The following FKBP5 variants were observed in gnomAD, a reference collection of about 807,000 sequenced individuals.
FKBP5 encodes the protein peptidyl-prolyl cis-trans isomerase FKBP5.
In FKBP5, 23 loss-of-function variants were observed where a neutral mutation model predicts 50.5. The ratio of observed to expected loss-of-function variants is 0.46; its 90% confidence interval spans 0.33 to 0.65. The LOEUF (loss-of-function observed/expected upper bound fraction) is 0.65. Ranked by LOEUF, FKBP5 falls within the 30% of genes least tolerant of loss-of-function variation. The pLI is 0.02. For missense variants in FKBP5, 411 were observed against 553.1 expected (o/e 0.74, Z 2.58); for synonymous variants, 176 against 190.6 (o/e 0.92, Z 0.63).
intron 8 of FKBP5, chr6:35,583,841 C>A (rs1305690180): frequency 9.1e-6 from 9 of 985,228 alleles, no homozygotes; most frequent in Non-Finnish European, 1.1e-5. Context: ...ATCCTAGAGT[C>A]ATAAACGGCT....
chr6:35,602,526 T>C (rs909234328), intron 5 of FKBP5, among the ~76,000 whole-genome samples: 1 of 152,080 alleles, frequency 6.6e-6, no homozygotes, highest in African/African-American at 2.4e-5. Context: ...CTCTGTTGCC[T>C]AATTCATGCC....
Position 35,658,703 on chromosome 6 carries a change from G to T in FKBP5, c.-19-15860C>A, listed in dbSNP as rs1388934020. ...ATGTTAAACCAACCTTGGATACCTG[G>T]AATAAACCCTATTTGGTCACTGTAT... On this transcript the variant is annotated intron_variant, in intron 1 of 10. Transcript: ENST00000357266. Among the ~76,000 whole-genome samples the T allele has an allele frequency of 3.9e-4, 8 of 20,766 alleles. 1 individual carries two copies. The highest frequency in any genetic ancestry group is 3.4e-3 in the South Asian group (2 of 596). The allele number at this position is 20,766 out of a possible 152,430, so 13.6% of individuals were successfully genotyped here. A position where few individuals can be genotyped will look rare whatever the true frequency, so the allele number is the denominator to read the frequency against.
At chr6:35,597,500 C>T (rs1763013200) in intron 5 of FKBP5, 96 bp from the exon 6 acceptor site, 1 of 1,359,286 alleles carries the variant, frequency 7.4e-7, no homozygotes, top group African/African-American at 1.5e-5. Context: ...GTAGCAAATA[C>T]CATTTCCCCT....
chr6:35,584,255 A>G, intron 8 of FKBP5: 3 of 985,446 alleles, frequency 3.0e-6, no homozygotes, highest in Non-Finnish European at 3.6e-6. Context: ...TTTAGTATTC[A>G]GAGGTTGAAA....
chr6:35,575,864 C>T lies in FKBP5; in HGVS notation c.1345G>A (p.Glu449Lys), dbSNP rs1308077346. 6.2e-7 allele frequency: 1 copy of T among 1,614,036 alleles called. No individual in the cohort carries two copies. Among genetic ancestry groups the T allele is most frequent in the Non-Finnish European group, 8.5e-7 (1 of 1,179,894 alleles). Residue 449 changes from glutamate (E) to lysine (K), a missense_variant, in exon 11 of 11, where the codon GAA becomes AAA. This residue lies in a region of FKBP5 where 88 missense variants were observed against 89.0 expected (regional missense o/e 0.99). Transcript: ENST00000357266. ...ACGTGGCCCTCAGGTTTCTCTTCTT[C>T]CATTGCTTGACTGTCTGTTCCTTTT... ...NEKGTDSQAM[E>K]EEKPEGHV
chr6:35,612,598 G>A (rs997720680), intron 5 of FKBP5, among the ~76,000 whole-genome samples: 11 of 152,220 alleles, frequency 7.2e-5, no homozygotes, highest in African/African-American at 2.7e-4. Flanking sequence ...AAGAAAAGAG[G>A]TTTAATTGAC....
chr6:35,646,570 A>C (rs1038066412), intron 1 of FKBP5, among the ~76,000 whole-genome samples: 20 of 152,358 alleles, frequency 1.3e-4, no homozygotes, highest in African/African-American at 4.8e-4. Flanking sequence ...GTTATATAAA[A>C]AAGACAGTAA....
Position 35,574,474 on chromosome 6 carries a change from A to G in FKBP5, c.*1361T>C, listed in dbSNP as rs990343377. The G allele has an allele frequency of 2.0e-5, 3 of 152,226 alleles. No individual in the cohort carries two copies. The highest frequency in any genetic ancestry group is 7.2e-5 in the African/African-American group (3 of 41,458). 9.4% of individuals were successfully genotyped at this position (152,226 alleles called of 1,614,324 possible). ...CAATCTGTTTACCCGTAAGGACTGA[A>G]ATTCAACTACATGTACACATTTAAG... is the stretch of plus-strand genomic sequence containing the variant. On this transcript the variant is annotated 3_prime_UTR_variant, in exon 11 of 11. Coordinates refer to ENST00000357266, the MANE Select transcript of FKBP5 (RefSeq NM_004117.4).
At chr6:35,665,343 A>G (rs929318612) in intron 1 of FKBP5, among the ~76,000 whole-genome samples, 5 of 149,238 alleles carry the variant, frequency 3.4e-5, no homozygotes, top group Admixed American at 1.3e-4. Context: ...GCTGGAGTGC[A>G]GTGGCGCGAT....
chr6:35,595,785 T>C (rs1011621446), intron 6 of FKBP5, among the ~76,000 whole-genome samples: 2 of 151,830 alleles, frequency 1.3e-5, no homozygotes, highest in African/African-American at 2.4e-5. Flanking sequence ...TATTTGGATA[T>C]GGAAGAGATA....
intron 3 of FKBP5, among the ~76,000 whole-genome samples, chr6:35,635,026 C>CAAAAAA (rs35794477): frequency 4.0e-5 from 3 of 75,140 alleles, no homozygotes; most frequent in African/African-American, 1.1e-4. Context: ...CCTGTCTCTA[C>CAAAAAA]AAAAAAAAAA....
At chr6:35,652,290 A>G (rs943588165) in intron 1 of FKBP5, among the ~76,000 whole-genome samples, 3 of 152,342 alleles carry the variant, frequency 2.0e-5, no homozygotes, top group African/African-American at 7.2e-5. Context: ...GGCACCCTGA[A>G]AAAAGAACAG....
At chr6:35,698,676 G>C (rs1766126638) in intron 2 of FKBP5, among the ~76,000 whole-genome samples, 1 of 152,068 alleles carries the variant, frequency 6.6e-6, no homozygotes, top group African/African-American at 2.4e-5. Context: ...AAAAATAAAA[G>C]AGGTTTAATT....
At chr6:35,670,797 T>C (rs530959183) in intron 1 of FKBP5, among the ~76,000 whole-genome samples, 5 of 151,252 alleles carry the variant, frequency 3.3e-5, no homozygotes, top group African/African-American at 1.2e-4. Context: ...TGTCATTAGC[T>C]GCAGAGTAGA....
chr6:35,652,288 G>GA (rs1298106359), intron 1 of FKBP5, among the ~76,000 whole-genome samples: 1 of 152,250 alleles, frequency 6.6e-6, no homozygotes, highest in Middle Eastern at 3.4e-3. Context: ...TGGGCACCCT[G>GA]AAAAAAGAAC....
intron 6 of FKBP5, among the ~76,000 whole-genome samples, chr6:35,594,006 A>G (rs576253200): frequency 2.6e-5 from 4 of 152,318 alleles, no homozygotes; most frequent in African/African-American, 7.2e-5. Context: ...TATTGTCCCA[A>G]TGAGGAGAAA....
chr6:35,578,309 C>CG (rs937207741), intron 9 of FKBP5, among the ~76,000 whole-genome samples: 4 of 152,098 alleles, frequency 2.6e-5, no homozygotes, highest in African/African-American at 9.7e-5. Flanking sequence ...CCTCAGCCTC[C>CG]GAAAGTCCTG....
chr6:35,662,456 T>A (rs1413846843), intron 1 of FKBP5, among the ~76,000 whole-genome samples: 1 of 150,692 alleles, frequency 6.6e-6, no homozygotes, highest in Non-Finnish European at 1.5e-5. Flanking sequence ...TTAATTTTTT[T>A]TTTTTTTTGT....
At chr6:35,681,848 T>C (rs1765670496) in intron 1 of FKBP5, among the ~76,000 whole-genome samples, 1 of 152,178 alleles carries the variant, frequency 6.6e-6, no homozygotes, top group Non-Finnish European at 1.5e-5. Flanking sequence ...AATATATGTG[T>C]AATACACACA....
Sources: gnomAD v4.1 joint callset for allele counts (sites outside exome capture counted in the v4.1 genomes callset) on GRCh38, gnomAD v4.1.1 for gene constraint, gnomAD v4.1.1 regional missense constraint, MANE v1.5 for transcripts, NCBI Gene and HGNC (gene_info 2026-07-23, HGNC 2026-07-21) for gene names.